Variants in CUX1 observed in about 807,000 individuals in gnomAD.
CUX1 encodes the protein cut like homeobox 1, also known as protein CASP.
In CUX1, 31 loss-of-function variants were observed where a neutral mutation model predicts 158.8. The ratio of observed to expected loss-of-function variants is 0.20; its 90% CI spans 0.15 to 0.26. The LOEUF (loss-of-function observed/expected upper bound fraction) is 0.26, where lower values mean the gene tolerates loss of function less well. Ranked by LOEUF, CUX1 falls within the 10% of genes least tolerant of loss-of-function variation. CUX1 has a pLI of 1.00. For synonymous variants in CUX1, 879 were observed against 862.1 expected, an observed-to-expected ratio of 1.02 and a Z score of -0.34; for missense variants, 1,589 against 2,014.6, an observed-to-expected ratio of 0.79 and a Z score of 4.04.
At chr7:101,835,745 T>C (rs1481482525) in intron 1 of CUX1, among the ~76,000 whole-genome samples, 2 of 152,194 alleles carry the variant, frequency 1.3e-5, no homozygotes, top group Non-Finnish European at 2.9e-5. Flanking sequence ...TATTTGTTTG[T>C]TTATTTTGAG....
chr7:102,221,061 C>G (rs1554526782), intron 20 of CUX1, among the ~76,000 whole-genome samples: 1 of 152,142 alleles, frequency 6.6e-6, no homozygotes, highest in Non-Finnish European at 1.5e-5. Flanking sequence ...TCCCCTCTCC[C>G]CTCTCCCCTA....
At chr7:102,076,219 T>TA (rs1160722928) in intron 4 of CUX1, among the ~76,000 whole-genome samples, 5 of 151,866 alleles carry the variant, frequency 3.3e-5, no homozygotes, top group East Asian at 3.9e-4. Flanking sequence ...TCGTCTCTAC[T>TA]AAAAAAATAC....
chr7:102,200,229 G>A, intron 17 of CUX1, 57 bp downstream of exon 17: 1 of 1,409,572 alleles, frequency 7.1e-7, no homozygotes, highest in Non-Finnish European at 9.8e-7. Flanking sequence ...GAATTGTCAT[G>A]AGTGCTCTGG....
At position 102,201,755 on chromosome 7, in the gene CUX1, T is replaced by C. The variant is rs781867654; in HGVS notation, c.2458T>C (p.Trp820Arg). ...VKNEVGRSGA[W>R]KDHWWSAVQP... ...AAATGAGGTGGGCCGCAGCGGTGCCTGGAAGGACCACTGGTGGAGCGCGGT... is the reference window on the plus strand; with the variant it reads ...AAATGAGGTGGGCCGCAGCGGTGCCCGGAAGGACCACTGGTGGAGCGCGGT... The change falls in exon 18 of 24, where the codon TGG becomes CGG. Residue 820 changes from tryptophan (W) to arginine (R), a missense_variant. Coordinates refer to ENST00000292535, the MANE Select transcript of CUX1 (RefSeq NM_181552.4). The surrounding 1 kb of genome is among the most constrained non-coding windows in gnomAD (Gnocchi z 5.0). The C allele has an allele frequency of 1.2e-6, 2 of 1,612,594 alleles. No homozygotes were observed. The highest frequency in any genetic ancestry group is 2.2e-5 in the South Asian group (2 of 91,076).
intron 18 of CUX1, among the ~76,000 whole-genome samples, chr7:102,202,953 TGTCCTA>T (rs1795598566): frequency 6.6e-6 from 1 of 152,240 alleles, no homozygotes; most frequent in South Asian, 2.1e-4. Context: ...ATAAACATCA[TGTCCTA>T]GTATCATTTT....
At chr7:101,957,437 T>TA (rs1417348688) in intron 2 of CUX1, among the ~76,000 whole-genome samples, 6 of 152,190 alleles carry the variant, frequency 3.9e-5, no homozygotes, top group Non-Finnish European at 8.8e-5. Flanking sequence ...TACTTTTTTT[T>TA]AGGCAGGGAA....
intron 1 of CUX1, among the ~76,000 whole-genome samples, chr7:101,825,651 A>G (rs1055763032): frequency 6.6e-6 from 1 of 151,778 alleles, no homozygotes; most frequent in African/African-American, 2.4e-5. Context: ...GTTGAATGTC[A>G]TTGTCAGGGG....
chr7:102,028,045 C>CCTTCTTT, intron 2 of CUX1, 53 bp from the exon 3 acceptor site: 1 of 1,601,840 alleles, frequency 6.2e-7, no homozygotes, highest in Non-Finnish European at 8.5e-7. Flanking sequence ...CCAATGTTTC[C>CCTTCTTT]CTTCTTTCTC....
Position 102,239,375 on chromosome 7 carries a change from C to T in CUX1, c.3678C>T (p.Pro1226=), listed in dbSNP as rs782534299. Residue 1226 remains proline, a synonymous_variant, in exon 23 of 24, where the codon CCC becomes CCT. Coordinates refer to ENST00000292535, the MANE Select transcript of CUX1 (RefSeq NM_181552.4). ...SVSDSQPCEP[P]SVGTEYSQGA... ...GTGACAGCCAGCCCTGCGAACCGCCCTCTGTCGGCACCGAGTACAGCCAGG... is the reference window on the plus strand; with the variant it reads ...GTGACAGCCAGCCCTGCGAACCGCCTTCTGTCGGCACCGAGTACAGCCAGG... 252 of 1,612,908 alleles carry T rather than the reference C, an allele frequency of 1.6e-4. No individual in the cohort carries two copies. The highest frequency in any genetic ancestry group is 2.1e-4 in the Non-Finnish European group (244 of 1,179,800).
intron 1 of CUX1, among the ~76,000 whole-genome samples, chr7:101,878,117 T>C (rs1198247080): frequency 2.0e-5 from 3 of 152,218 alleles, no homozygotes; most frequent in Non-Finnish European, 4.4e-5. Context: ...GCTAATTCTT[T>C]CATGATTGCA....
rs75989845 is a variant in CUX1 at position 101,882,666 on chromosome 7, T to C, written c.31-33449T>C. Among the ~76,000 whole-genome samples the C allele has an allele frequency of 7.8e-3, 1,189 of 152,282 alleles. 19 individuals carry two copies. The highest frequency in any genetic ancestry group is 0.027 in the African/African-American group (1,140 of 41,562). ...GCTCACACAGTAGATGCTCTGCACATAGTAGTAGGTACTCAGAATATAGCA... is the reference window on the plus strand; with the variant it reads ...GCTCACACAGTAGATGCTCTGCACACAGTAGTAGGTACTCAGAATATAGCA... On this transcript the variant is annotated intron_variant, in intron 1 of 23. Transcript: ENST00000292535.
At position 102,251,290 on chromosome 7, in the gene CUX1, G is replaced by A. The variant is rs1303903363; in HGVS notation, c.*2248G>A. 4 of 985,178 alleles carry A rather than the reference G, an allele frequency of 4.1e-6. No homozygotes were observed. The East Asian group carries it at 3.4e-4, about 84-fold the overall frequency. 61.0% of individuals were successfully genotyped at this position (985,178 alleles called of 1,614,324 possible). On this transcript the variant is annotated 3_prime_UTR_variant, in exon 24 of 24. Coordinates refer to ENST00000292535, the MANE Select transcript of CUX1 (RefSeq NM_181552.4). ...ATAATTTTAAAGGTATGCTCTGGCT[G>A]TTCCACCTCCGTGTGCTTGTTAATT...
At chr7:102,026,501 C>T (rs192458223) in intron 2 of CUX1, among the ~76,000 whole-genome samples, 23 of 152,152 alleles carry the variant, frequency 1.5e-4, no homozygotes, top group African/African-American at 5.1e-4. Flanking sequence ...CAGTAGCTTT[C>T]CTCAGATTCT....
At chr7:102,067,032 A>G (rs1439925609) in intron 3 of CUX1, among the ~76,000 whole-genome samples, 1 of 152,120 alleles carries the variant, frequency 6.6e-6, no homozygotes, top group Non-Finnish European at 1.5e-5. Context: ...GAGTTCATTG[A>G]CTTTTAGGAT....
intron 2 of CUX1, among the ~76,000 whole-genome samples, chr7:101,975,949 T>TG (rs1245811230): frequency 6.6e-6 from 1 of 152,168 alleles, no homozygotes; most frequent in Non-Finnish European, 1.5e-5. Context: ...CAGACCAGCC[T>TG]GGCCAACATG....
At chr7:102,224,364 G>T (rs1798142754) in intron 20 of CUX1, among the ~76,000 whole-genome samples, 1 of 152,102 alleles carries the variant, frequency 6.6e-6, no homozygotes, top group Non-Finnish European at 1.5e-5. Flanking sequence ...CCGCCACCAT[G>T]CCTGGCTGGT....
intron 8 of CUX1, among the ~76,000 whole-genome samples, chr7:102,132,929 C>G (rs1198143786): frequency 1.3e-5 from 2 of 152,046 alleles, no homozygotes; most frequent in Non-Finnish European, 2.9e-5. Flanking sequence ...CCTCAGCCTC[C>G]CAAAGTGCTG....
At chr7:101,824,287 C>T (rs1793010606) in intron 1 of CUX1, 1 of 152,224 alleles carries the variant, frequency 6.6e-6, no homozygotes, top group Admixed American at 6.5e-5. Context: ...CAGGGTTTCA[C>T]CATGTTGGCC....
chr7:101,831,834 C>T (rs1038290668), intron 1 of CUX1, among the ~76,000 whole-genome samples: 21 of 151,748 alleles, frequency 1.4e-4, no homozygotes, highest in African/African-American at 4.4e-4. Flanking sequence ...TTTGACCTCC[C>T]GGGCTCAAGC....
Sources: allele counts gnomAD v4.1 joint callset (sites outside exome capture counted in the v4.1 genomes callset), GRCh38; gene constraint gnomAD v4.1.1; non-coding constraint Gnocchi (gnomAD v3.1); transcripts MANE v1.5; gene names NCBI Gene and HGNC (gene_info 2026-07-23, HGNC 2026-07-21).